EXOSC3: variants seen among roughly 807,000 people sequenced by gnomAD.
The protein encoded by EXOSC3 is exosome complex component RRP40.
EXOSC3 carries 18 observed loss-of-function variants against 25.1 expected under a neutral mutation model. That is an observed-to-expected ratio of 0.72 (90% CI 0.50 to 1.06). The LOEUF is 1.06. Among genes scored for constraint, EXOSC3 ranks in the 50% least tolerant of loss-of-function variants. EXOSC3 has a pLI of 0.00. For missense variants in EXOSC3, 382 were observed against 350.9 expected (o/e 1.09, Z -0.71); for synonymous variants, 165 against 132.2 (o/e 1.25, Z -1.70).
chr9:37,784,505 C>G (rs746790383), intron 1 of EXOSC3: 3 of 613,058 alleles, frequency 4.9e-6, no homozygotes, highest in African/African-American at 1.8e-5. Flanking sequence ...CTCACGGTCT[C>G]CAAACGTTTT....
intron 2 of EXOSC3, among the ~76,000 whole-genome samples, chr9:37,783,540 G>A (rs911009102): frequency 6.6e-6 from 1 of 152,114 alleles, no homozygotes; most frequent in Non-Finnish European, 1.5e-5. Flanking sequence ...CAGCCAGGAT[G>A]GATGGATAGC....
intron 2 of EXOSC3, among the ~76,000 whole-genome samples, chr9:37,782,971 G>A (rs760957904): frequency 1.3e-5 from 2 of 152,184 alleles, no homozygotes; most frequent in Non-Finnish European, 2.9e-5. Context: ...TTTAGCCTAC[G>A]TCTCAAAGAA....
upstream of EXOSC3, chr9:37,785,075 C>G (rs759334071): frequency 8.9e-6 from 14 of 1,564,520 alleles, no homozygotes; most frequent in East Asian, 1.8e-4. Flanking sequence ...GTTTCCGGTA[C>G]CCGCCTTCCG....
chr9:37,784,798 A>C lies in EXOSC3; in HGVS notation c.247T>G (p.Cys83Gly), dbSNP rs772252048. 3.0e-5 allele frequency: 49 copies of C among 1,608,498 alleles called. No homozygotes were observed. The Middle Eastern group carries it at 6.6e-4, about 22-fold the overall frequency. Residue 83 changes from cysteine to glycine, a missense_variant, in exon 1 of 4, where the codon TGC becomes GGC. Physicochemically the swap from Cys to Gly is radical, Grantham distance 159. Transcript: ENST00000327304. The stretch of plus-strand genomic sequence containing the variant: ...GGCTCCTTGTGACGGAGGCGGCCGC[A>C]CTTGGTGACCAGCAGGCGGTCCCCA... ...RCGDRLLVTK[C>G]GRLRHKEPGS...
intron 1 of EXOSC3, 78 bp downstream of exon 1, chr9:37,784,641 CCT>C: frequency 7.0e-7 from 1 of 1,422,742 alleles, no homozygotes; most frequent in Non-Finnish European, 9.3e-7. Flanking sequence ...CCTCAGGGTC[CCT>C]CTCTTCTTTT....
At chr9:37,784,521 C>T (rs1040406142) in intron 1 of EXOSC3, 200 bp downstream of exon 1, 9 of 643,892 alleles carry the variant, frequency 1.4e-5, no homozygotes, top group Admixed American at 3.0e-5. Context: ...GTTTTTCTCT[C>T]CTGGTCGCCC....
At chr9:37,782,968 T>C (rs889469528) in intron 2 of EXOSC3, among the ~76,000 whole-genome samples, 3 of 152,188 alleles carry the variant, frequency 2.0e-5, no homozygotes, top group African/African-American at 7.2e-5. Context: ...ATGTTTAGCC[T>C]ACGTCTCAAA....
Position 37,780,744 on chromosome 9 carries a change from C to T in EXOSC3, c.763G>A (p.Glu255Lys). The change falls in exon 4 of 4, where the codon GAA (glutamate) becomes AAA (lysine). Residue 255 changes from glutamate to lysine, a missense_variant. Glu to Lys is a moderately conservative substitution (Grantham distance 56). Coordinates refer to ENST00000327304, the MANE Select transcript of EXOSC3 (RefSeq NM_016042.4). The part of the protein sequence containing the change: ...QQTLILANIL[E>K]ACEHMTSDQR... ...TCTGACGTCATGTGTTCACAAGCTT[C>T]TAAAATGTTTGCCAAAATTAAAGTC... 1.2e-6 allele frequency: 2 copies of T among 1,614,042 alleles called. No homozygotes were observed. The highest frequency in any genetic ancestry group is 8.5e-7 in the Non-Finnish European group (1 of 1,179,930).
In EXOSC3 at chr9:37,784,210, A is replaced by C. The variant is rs566332754; in HGVS notation, c.325-147T>G. On this transcript the variant is annotated intron_variant, in intron 1 of 3. Coordinates refer to ENST00000327304, the MANE Select transcript of EXOSC3 (RefSeq NM_016042.4). ...TTTCGGTAAAAGAAAATCACTTCAT[A>C]AAGTGCCGGGTGTGCAGCTTCTGGT... 5 of 876,886 alleles carry C rather than the reference A, an allele frequency of 5.7e-6. No homozygotes were observed. The East Asian group carries it at 8.2e-5, about 14-fold the overall frequency. The allele number at this position is 876,886 out of a possible 1,614,324, so 54.3% of individuals were successfully genotyped here. A position where few individuals can be genotyped will look rare whatever the true frequency, so the allele number is the denominator to read the frequency against.
In EXOSC3 at chr9:37,779,777, A is replaced by G. The variant is rs1012607969; in HGVS notation, c.*902T>C. On this transcript the variant is annotated 3_prime_UTR_variant, in exon 4 of 4. Transcript: ENST00000327304. ...GATCCAAAAAGGACTTTCTATGGATAGGCTTCAGGGGATCTGTATCTCACA... is the reference window on the plus strand; with the variant it reads ...GATCCAAAAAGGACTTTCTATGGATGGGCTTCAGGGGATCTGTATCTCACA... The G allele has an allele frequency of 5.3e-5, 8 of 152,362 alleles. No individual in the cohort carries two copies. The East Asian group carries it at 9.6e-4, about 18-fold the overall frequency. The allele number at this position is 152,362 out of a possible 1,614,324, so 9.4% of individuals were successfully genotyped here.
rs1471646898 is a variant in EXOSC3 at position 37,783,984 on chromosome 9, C to T, written c.404G>A (p.Gly135Glu). The T allele has an allele frequency of 1.2e-6, 2 of 1,613,948 alleles. No homozygotes were observed. The part of the protein sequence containing the change: ...SGDIFKVDVG[G>E]SEPASLSYLS... Reference sequence around the variant, plus strand: ...GTAAGACAAAGAAGCTGGCTCACTCCCTCCAACATCAACTTTGAATATATC... The same window carrying T: ...GTAAGACAAAGAAGCTGGCTCACTCTCTCCAACATCAACTTTGAATATATC... Residue 135 changes from glycine to glutamate, a missense_variant, in exon 2 of 4, where the codon GGG (glycine) becomes GAG (glutamate). Coordinates refer to ENST00000327304, the MANE Select transcript of EXOSC3 (RefSeq NM_016042.4).
chr9:37,781,971 G>A lies in EXOSC3; in HGVS notation c.626+15C>T, dbSNP rs1241334862. ...ATTATAAAAAGCAGTCAAGCCAGCA[G>A]ACATCAGGACTTACTTTCTAATTAA... On this transcript the variant is annotated intron_variant, in intron 3 of 3. Coordinates refer to ENST00000327304, the MANE Select transcript of EXOSC3 (RefSeq NM_016042.4). 6.2e-7 allele frequency: 1 copy of A among 1,607,804 alleles called. No individual in the cohort carries two copies. Among genetic ancestry groups the A allele is most frequent in the South Asian group, 1.1e-5 (1 of 89,946 alleles).
chr9:37,783,590 C>T (rs1230219043), intron 2 of EXOSC3, among the ~76,000 whole-genome samples: 1 of 152,122 alleles, frequency 6.6e-6, no homozygotes. Flanking sequence ...TCCTCTAAGC[C>T]TACAGCAGAC....
intron 1 of EXOSC3, chr9:37,784,393 G>A (rs1189740201): frequency 2.1e-6 from 1 of 480,922 alleles, no homozygotes; most frequent in Admixed American, 3.8e-5. Context: ...CCTGTTCTAG[G>A]AGAAATTAAC....
chr9:37,783,179 T>A (rs1325176992), intron 2 of EXOSC3, among the ~76,000 whole-genome samples: 2 of 152,192 alleles, frequency 1.3e-5, no homozygotes, highest in Non-Finnish European at 2.9e-5. Flanking sequence ...GAGAATCTTG[T>A]CTTTTCGAGA....
Position 37,782,136 on chromosome 9 carries a change from A to G in EXOSC3, c.476T>C (p.Val159Ala), listed in dbSNP as rs1247129345. The G allele has an allele frequency of 2.5e-6, 4 of 1,613,506 alleles. No individual in the cohort carries two copies. In the East Asian group the frequency reaches 8.9e-5, roughly 36 times the overall value. ...AAACTGGCCATAGATGAGATCTCCA[A>G]CCTACAATGATATTAAAAACCAGTT... ...ATKRNRPNVQ[V>A]GDLIYGQFVV... The change falls in exon 3 of 4, where the codon GTT (valine) becomes GCT (alanine). Residue 159 changes from valine to alanine, a missense_variant and splice_region_variant. Val to Ala is a moderately conservative substitution (Grantham distance 64). Coordinates refer to ENST00000327304, the MANE Select transcript of EXOSC3 (RefSeq NM_016042.4).
intron 3 of EXOSC3, 141 bp downstream of exon 3, chr9:37,781,845 A>G: frequency 1.1e-6 from 1 of 892,030 alleles, no homozygotes; most frequent in Non-Finnish European, 1.7e-6. Flanking sequence ...ATGAGTTTCC[A>G]AATGTGTTAA....
chr9:37,781,849 G>GT, intron 3 of EXOSC3, 137 bp downstream of exon 3: 1 of 909,404 alleles, frequency 1.1e-6, no homozygotes, highest in South Asian at 1.8e-5. Flanking sequence ...GTTTCCAAAT[G>GT]TGTTAAAATG....
chr9:37,783,243 C>A (rs927465753), intron 2 of EXOSC3, among the ~76,000 whole-genome samples: 1 of 152,030 alleles, frequency 6.6e-6, no homozygotes, highest in Non-Finnish European at 1.5e-5. Flanking sequence ...GAGGTAAAAG[C>A]GTGGAGGCAG....
Sources: allele counts gnomAD v4.1 joint callset (sites outside exome capture counted in the v4.1 genomes callset), GRCh38; gene constraint gnomAD v4.1.1; transcripts MANE v1.5; gene names NCBI Gene and HGNC (gene_info 2026-07-23, HGNC 2026-07-21).